RAI14: variants seen among roughly 807,000 people sequenced by gnomAD.
The protein encoded by RAI14 is ankycorbin.
RAI14 carries 45 observed loss-of-function variants against 115.4 expected under a neutral mutation model. The ratio of observed to expected loss-of-function variants is 0.39; its 90% CI spans 0.31 to 0.50. The LOEUF (loss-of-function observed/expected upper bound fraction) is 0.50. Ranked by LOEUF, RAI14 falls within the 20% of genes least tolerant of loss-of-function variation. The pLI is 0.85. For missense variants in RAI14, 939 were observed against 1,131.2 expected, an observed-to-expected ratio of 0.83 and a Z score of 2.44; for synonymous variants, 371 against 415.4, an observed-to-expected ratio of 0.89 and a Z score of 1.30.
intron 2 of RAI14, among the ~76,000 whole-genome samples, chr5:34,752,231 C>T (rs1411583480): frequency 6.6e-6 from 1 of 151,994 alleles, no homozygotes; most frequent in African/African-American, 2.4e-5. Flanking sequence ...ATAAAAAAAC[C>T]TGAAACACGA....
chr5:34,676,826 T>C (rs1579878223), intron 1 of RAI14, among the ~76,000 whole-genome samples: 1 of 152,166 alleles, frequency 6.6e-6, no homozygotes, highest in Non-Finnish European at 1.5e-5. Context: ...CTAAATGACA[T>C]TTATGGTTTA....
intron 3 of RAI14, among the ~76,000 whole-genome samples, chr5:34,761,231 G>C (rs1159010372): frequency 6.6e-6 from 1 of 152,210 alleles, no homozygotes; most frequent in African/African-American, 2.4e-5. Context: ...CTGTCACCCA[G>C]GCTGGAATGC....
chr5:34,708,004 T>A (rs1040889511), intron 2 of RAI14, among the ~76,000 whole-genome samples: 3 of 152,180 alleles, frequency 2.0e-5, no homozygotes, highest in African/African-American at 7.2e-5. Context: ...AGTGAAAGTC[T>A]ATGTCTTTAT....
rs539175827 is a variant in RAI14 at position 34,776,042 on chromosome 5, G to A, written c.167+18444G>A. ...CTAAGTGTCCATCATCAGATGAATG[G>A]ATAAAGAAAATGTAGGACATATACA... On this transcript the variant is annotated intron_variant, in intron 3 of 17. Transcript: ENST00000265109. 3.9e-5 allele frequency among the ~76,000 whole-genome samples: 6 copies of A among 152,264 alleles called. No individual in the cohort carries two copies. In the South Asian group the frequency reaches 8.3e-4, roughly 21 times the overall value.
At chr5:34,738,265 T>A (rs996379507) in intron 2 of RAI14, among the ~76,000 whole-genome samples, 2 of 151,940 alleles carry the variant, frequency 1.3e-5, no homozygotes, top group Non-Finnish European at 2.9e-5. Flanking sequence ...CTCTAAAATT[T>A]AAAAAAACAA....
rs763640374 is a variant in RAI14, at chr5:34,795,893, T to G, written c.168-46T>G. 6.0e-6 allele frequency: 9 copies of G among 1,511,494 alleles called. No individual in the cohort carries two copies. The Admixed American group carries it at 8.4e-5, about 14-fold the overall frequency. The allele number at this position is 1,511,494 out of a possible 1,614,324, so 93.6% of individuals were successfully genotyped here. On this transcript the variant is annotated intron_variant, in intron 3 of 17. Transcript: ENST00000265109. ...GGGAAACTCTGTTGGAGATGAACAT[T>G]AAAGAGTAGAAATCTCAAGGAGATT...
At chr5:34,740,026 C>CT (rs1469885507) in intron 2 of RAI14, among the ~76,000 whole-genome samples, 3 of 152,076 alleles carry the variant, frequency 2.0e-5, no homozygotes, top group Non-Finnish European at 4.4e-5. Context: ...GCACTCCAGC[C>CT]TGGGTGACAG....
intron 2 of RAI14, among the ~76,000 whole-genome samples, chr5:34,754,204 T>C (rs1427192961): frequency 1.3e-5 from 2 of 152,196 alleles, no homozygotes; most frequent in Non-Finnish European, 2.9e-5. Context: ...TCTTTATCAC[T>C]GTGCTTCTGG....
At chr5:34,713,261 A>G (rs1012622269) in intron 2 of RAI14, among the ~76,000 whole-genome samples, 8 of 152,190 alleles carry the variant, frequency 5.3e-5, no homozygotes, top group African/African-American at 1.7e-4. Context: ...TAGAGAACAC[A>G]GGCAGTGGTG....
chr5:34,817,272 CAAAAAAA>C (rs34084798), intron 12 of RAI14, among the ~76,000 whole-genome samples: 1 of 97,186 alleles, frequency 1.0e-5, no homozygotes, highest in African/African-American at 4.1e-5. Flanking sequence ...CACTCCATCT[CAAAAAAA>C]AAAAAAAAAA....
Position 34,757,810 on chromosome 5 carries a change from A to G in RAI14, c.167+212A>G, listed in dbSNP as rs145415167. On this transcript the variant is annotated intron_variant, in intron 3 of 17. Coordinates refer to ENST00000265109, the MANE Select transcript of RAI14 (RefSeq NM_015577.3). ...TGAATGGGTATACATGTTCCCAAGT[A>G]TAAGCAAAGGTTTTACCTCCTAAGA... The G allele has an allele frequency of 4.1e-4, 172 of 417,084 alleles. 1 individual carries two copies. The East Asian group carries it at 8.0e-3, about 19-fold the overall frequency. 25.8% of individuals were successfully genotyped at this position (417,084 alleles called of 1,614,324 possible).
chr5:34,737,978 T>G (rs1356228121), intron 2 of RAI14, among the ~76,000 whole-genome samples: 1 of 152,206 alleles, frequency 6.6e-6, no homozygotes, highest in Non-Finnish European at 1.5e-5. Context: ...GAACAAATGT[T>G]CTCTGATTCC....
chr5:34,786,568 C>T (rs373116540), intron 3 of RAI14, among the ~76,000 whole-genome samples: 14 of 152,204 alleles, frequency 9.2e-5, no homozygotes, highest in African/African-American at 3.1e-4. Context: ...CAAGGTGGAA[C>T]GAACCAGAGC....
At position 34,824,157 on chromosome 5, in the gene RAI14, T is replaced by C. The variant is rs1295625974; in HGVS notation, c.2315T>C (p.Leu772Pro). Residue 772 changes from leucine (L) to proline (P), a missense_variant, in exon 15 of 18, where the codon CTC becomes CCC. Physicochemically the swap from Leu to Pro is moderately conservative, Grantham distance 98. Transcript: ENST00000265109. The stretch of plus-strand genomic sequence containing the variant: ...GAAGTAGCAAAGCTGGAGAAACAAC[T>C]CTTAGAAGAGAAAGCTGCTATGACT... ...EVEVAKLEKQ[L>P]LEEKAAMTDA... 5 of 1,613,856 alleles carry C rather than the reference T, an allele frequency of 3.1e-6. No homozygotes were observed. Among genetic ancestry groups the C allele is most frequent in the Non-Finnish European group, 4.2e-6 (5 of 1,179,950 alleles).
At chr5:34,779,062 G>A (rs1438514750) in intron 3 of RAI14, among the ~76,000 whole-genome samples, 1 of 151,798 alleles carries the variant, frequency 6.6e-6, no homozygotes, top group Non-Finnish European at 1.5e-5. Flanking sequence ...TGCAAGGCTG[G>A]TTCAACATAC....
intron 4 of RAI14, 132 bp from the exon 5 acceptor site, chr5:34,803,579 CA>C (rs1754532599): frequency 9.3e-6 from 7 of 756,166 alleles, no homozygotes; most frequent in African/African-American, 1.8e-5. Context: ...AACAAACAAA[CA>C]AAAAAACACA....
intron 3 of RAI14, among the ~76,000 whole-genome samples, chr5:34,785,831 G>A (rs970446017): frequency 1.3e-5 from 2 of 152,096 alleles, no homozygotes; most frequent in African/African-American, 4.8e-5. Context: ...TGCTCTCCTG[G>A]CTCTGCTTTC....
intron 2 of RAI14, 112 bp downstream of exon 2, chr5:34,687,067 A>G: frequency 2.6e-6 from 3 of 1,159,188 alleles, no homozygotes; most frequent in South Asian, 1.4e-5. Context: ...ACAGACACTC[A>G]AGTGCTCTTG....
In RAI14 at chr5:34,805,092, G is replaced by T. The variant is rs973595592; in HGVS notation, c.321+1316G>T. ...CTTTGAAGCCTTTAAACAGTTCCTT[G>T]TGCTGCTTTAAAATTAGGCCAAAGC... is the stretch of plus-strand genomic sequence containing the variant. On this transcript the variant is annotated intron_variant, in intron 5 of 17. Transcript: ENST00000265109. 2.6e-5 allele frequency among the ~76,000 whole-genome samples: 4 copies of T among 152,168 alleles called. No individual in the cohort carries two copies. The East Asian group carries it at 5.8e-4, about 22-fold the overall frequency.
Sources: gnomAD v4.1 joint callset for allele counts (sites outside exome capture counted in the v4.1 genomes callset) on GRCh38, gnomAD v4.1.1 for gene constraint, MANE v1.5 for transcripts, NCBI Gene and HGNC (gene_info 2026-07-23, HGNC 2026-07-21) for gene names.